The following GAS7 variants were observed in gnomAD, a reference collection of about 807,000 sequenced individuals.
GAS7 encodes the protein growth arrest-specific protein 7.
In GAS7, 28 loss-of-function variants were observed where a neutral mutation model predicts 71.1. The ratio of observed to expected loss-of-function variants is 0.39; its 90% CI spans 0.29 to 0.54. GAS7 has a LOEUF of 0.54. Among genes scored for constraint, GAS7 ranks in the 20% least tolerant of loss-of-function variants. GAS7 has a pLI of 0.62. For synonymous variants in GAS7, 258 were observed against 245.8 expected (o/e 1.05, Z -0.46); for missense variants, 436 against 627.8 (o/e 0.69, Z 3.27).
At chr17:10,014,411 A>G (rs931293560) in intron 2 of GAS7, among the ~76,000 whole-genome samples, 2 of 152,120 alleles carry the variant, frequency 1.3e-5, no homozygotes, top group Admixed American at 6.5e-5. Flanking sequence ...TATTCTGATC[A>G]TGTCACGCCA....
intron 1 of GAS7, among the ~76,000 whole-genome samples, chr17:10,112,438 G>A (rs1265656554): frequency 6.6e-6 from 1 of 152,086 alleles, no homozygotes; most frequent in Non-Finnish European, 1.5e-5. Flanking sequence ...GGAGTAGCAT[G>A]TAGAAAATGG....
chr17:10,146,970 G>GAAAAAAAAAAAAAAAAA (rs1555537268), intron 1 of GAS7, among the ~76,000 whole-genome samples: 2 of 100,626 alleles, frequency 2.0e-5, no homozygotes, highest in Non-Finnish European at 2.4e-5. Flanking sequence ...TAAAAAAAAC[G>GAAAAAAAAAAAAAAAAA]ATCTCTGTCT....
intron 2 of GAS7, among the ~76,000 whole-genome samples, chr17:9,982,869 G>GAAAGAAAGAAAGAAAGA (rs2070483755): frequency 8.4e-6 from 1 of 118,930 alleles, no homozygotes; most frequent in African/African-American, 4.0e-5. Context: ...AAGAAAGAAA[G>GAAAGAAAGAAAGAAAGA]CAAAGAAAGC....
In GAS7 at chr17:9,999,927, C is replaced by A. The variant is rs1018746507; in HGVS notation, c.305-18043G>T. On this transcript the variant is annotated intron_variant, in intron 2 of 13. Coordinates refer to ENST00000432992, the MANE Select transcript of GAS7 (RefSeq NM_201433.2). ...TTTAAAAACCTCCCTGCAAAGAGGA[C>A]TGAAAACTTCATCCATGCAGAGGAA... 2.0e-5 allele frequency among the ~76,000 whole-genome samples: 3 copies of A among 152,186 alleles called. No individual in the cohort carries two copies. The South Asian group carries it at 6.2e-4, about 32-fold the overall frequency.
At chr17:9,947,027 G>T in intron 5 of GAS7, 44 bp from the exon 6 acceptor site, 2 of 1,347,282 alleles carry the variant, frequency 1.5e-6, no homozygotes, top group South Asian at 1.2e-5. Flanking sequence ...CTGGAGACTG[G>T]AATAGCGAGG....
chr17:10,168,069 T>C (rs887310140), intron 1 of GAS7, among the ~76,000 whole-genome samples: 2 of 152,154 alleles, frequency 1.3e-5, no homozygotes, highest in Non-Finnish European at 2.9e-5. Flanking sequence ...ACCTCTCAGC[T>C]TCCAAGCAGC....
intron 8 of GAS7, among the ~76,000 whole-genome samples, chr17:9,934,632 C>T (rs184880175): frequency 2.6e-5 from 4 of 152,302 alleles, no homozygotes; most frequent in Non-Finnish European, 2.9e-5. Context: ...GTCCCCAGAG[C>T]TTTCACATCA....
In GAS7 at chr17:9,911,800, G is replaced by A. The variant is rs1335893809; in HGVS notation, c.*5428C>T. ...TGGCCTGGATCCAGAAATGTCTCTG[G>A]TTCGCATAGAGAGGTACCCAACTGG... On this transcript the variant is annotated 3_prime_UTR_variant, in exon 14 of 14. Coordinates refer to ENST00000432992, the MANE Select transcript of GAS7 (RefSeq NM_201433.2). This position sits in a 1 kb window ranked among gnomAD's most constrained non-coding sequence, Gnocchi z 4.0. 8 of 231,902 alleles carry A rather than the reference G, an allele frequency of 3.4e-5. No individual in the cohort carries two copies. The highest frequency in any genetic ancestry group is 5.1e-5 in the Non-Finnish European group (6 of 117,358). 14.4% of individuals were successfully genotyped at this position (231,902 alleles called of 1,614,324 possible). A position where few individuals can be genotyped will look rare whatever the true frequency, so the allele number is the denominator to read the frequency against.
intron 5 of GAS7, among the ~76,000 whole-genome samples, chr17:9,949,518 AC>A (rs747303858): frequency 8.6e-5 from 13 of 152,000 alleles, no homozygotes; most frequent in Non-Finnish European, 1.8e-4. Flanking sequence ...TCTAGCGCAC[AC>A]CCCCTCCCCA....
chr17:10,066,134 T>C (rs560961605), intron 1 of GAS7, among the ~76,000 whole-genome samples: 1 of 152,128 alleles, frequency 6.6e-6, no homozygotes, highest in South Asian at 2.1e-4. Context: ...GCACCATCTG[T>C]AGTGGAAATG....
intron 1 of GAS7, chr17:10,036,803 AC>A (rs1431071149): frequency 1.9e-6 from 2 of 1,058,828 alleles, no homozygotes; most frequent in East Asian, 9.5e-5. Flanking sequence ...CAGCTAAAAA[AC>A]GTTGGCTGAG....
intron 1 of GAS7, among the ~76,000 whole-genome samples, chr17:10,052,844 G>A (rs938981598): frequency 7.9e-5 from 12 of 152,146 alleles, no homozygotes; most frequent in Middle Eastern, 3.4e-3. Context: ...CTCCTCCCCC[G>A]TGCACAGCCA....
chr17:10,028,569 G>A (rs2072530013), intron 1 of GAS7, among the ~76,000 whole-genome samples: 1 of 151,748 alleles, frequency 6.6e-6, no homozygotes, highest in Non-Finnish European at 1.5e-5. Flanking sequence ...ATAGTATCCA[G>A]AAGAAACATC....
chr17:10,019,812 T>C lies in GAS7; in HGVS notation c.269A>G (p.Gln90Arg). The change falls in exon 2 of 14, where the codon CAG (glutamine) becomes CGG (arginine). Residue 90 changes from glutamine (Q) to arginine (R), a missense_variant. Coordinates refer to ENST00000432992, the MANE Select transcript of GAS7 (RefSeq NM_201433.2). ...CGTGTTGACATAGTACCGCCGGCCC[T>C]GAGGCGACAGGTAGCTCTGCCAGCC... ...PPGWQSYLSP[Q>R]GRRYYVNTTT... 1 of 1,614,042 alleles carries C rather than the reference T, an allele frequency of 6.2e-7. No individual in the cohort carries two copies. Among genetic ancestry groups the C allele is most frequent in the Non-Finnish European group, 8.5e-7 (1 of 1,179,936 alleles).
intron 3 of GAS7, among the ~76,000 whole-genome samples, chr17:9,977,858 A>T (rs1176820546): frequency 6.6e-6 from 1 of 152,192 alleles, no homozygotes; most frequent in Admixed American, 6.5e-5. Context: ...ACTAATAAGA[A>T]TGAACCAGCT....
intron 1 of GAS7, among the ~76,000 whole-genome samples, chr17:10,133,375 G>A (rs2074014284): frequency 2.0e-5 from 3 of 151,940 alleles, no homozygotes; most frequent in Admixed American, 1.3e-4. Context: ...TGCCTGCCTC[G>A]GCCTCCCAAA....
At chr17:10,108,754 G>C (rs997752594) in intron 1 of GAS7, among the ~76,000 whole-genome samples, 5 of 152,140 alleles carry the variant, frequency 3.3e-5, no homozygotes, top group Non-Finnish European at 5.9e-5. Flanking sequence ...CTTCAATCAG[G>C]GGTGTTGAGG....
At chr17:10,009,988 T>C (rs1017522035) in intron 2 of GAS7, among the ~76,000 whole-genome samples, 1 of 152,144 alleles carries the variant, frequency 6.6e-6, no homozygotes. Context: ...CTGCCACCCA[T>C]GCCCATTCCT....
intron 4 of GAS7, among the ~76,000 whole-genome samples, chr17:9,962,954 C>A (rs1422406033): frequency 6.7e-6 from 1 of 149,766 alleles, no homozygotes; most frequent in Non-Finnish European, 1.5e-5. Context: ...TGAACCTACG[C>A]ATAAGAGAAC....
Sources: gnomAD v4.1 joint callset for allele counts (sites outside exome capture counted in the v4.1 genomes callset) on GRCh38, gnomAD v4.1.1 for gene constraint, Gnocchi (gnomAD v3.1) non-coding constraint, MANE v1.5 for transcripts, NCBI Gene and HGNC (gene_info 2026-07-23, HGNC 2026-07-21) for gene names.